TNRC18: variants seen among roughly 807,000 people sequenced by gnomAD.
The protein encoded by TNRC18 is trinucleotide repeat-containing gene 18 protein.
In TNRC18, 69 loss-of-function variants were observed where a neutral mutation model predicts 226.7. That is an observed-to-expected ratio of 0.30 (90% CI 0.25 to 0.37). TNRC18 has a LOEUF of 0.37. TNRC18 is among the 10% of genes least tolerant of loss of function. The pLI, the probability that TNRC18 is intolerant of heterozygous loss-of-function variation, is 1.00. For missense variants in TNRC18, 4,754 were observed against 4,256.6 expected (o/e 1.12, Z -3.25); for synonymous variants, 2,449 against 1,927.6 (o/e 1.27, Z -7.09).
intron 14 of TNRC18, among the ~76,000 whole-genome samples, chr7:5,360,568 G>A (rs1792931461): frequency 1.3e-5 from 2 of 152,202 alleles, no homozygotes; most frequent in Non-Finnish European, 2.9e-5. Context: ...AACAGGCTCG[G>A]AAAAGCTAAC....
chr7:5,370,360 G>A lies in TNRC18; in HGVS notation c.4219+15C>T, dbSNP rs1328203950. On this transcript the variant is annotated intron_variant, in intron 11 of 29. Transcript: ENST00000430969. ...ACTCACGAATCTGCAGAACTCAGAG[G>A]TCGCGCACTCTCACCTCCCATCTCT... is the stretch of plus-strand genomic sequence containing the variant. 6.5e-7 allele frequency: 1 copy of A among 1,535,042 alleles called. No individual in the cohort carries two copies. Among genetic ancestry groups the A allele is most frequent in the Non-Finnish European group, 8.8e-7 (1 of 1,140,908 alleles).
Position 5,370,928 on chromosome 7 carries a change from A to AT in TNRC18, c.3665_3666insA (p.Phe1222LeufsTer6). On this transcript the variant is annotated frameshift_variant, in exon 11 of 30. Coordinates refer to ENST00000430969, the MANE Select transcript of TNRC18 (RefSeq NM_001080495.3). LOFTEE classifies it high-confidence loss of function. ...CCACCCGTGGTTCAGGCCCCTCCACAAAGTCTGGACACTCAGAGGGCTCTG... is the reference window on the plus strand; with the variant it reads ...CCACCCGTGGTTCAGGCCCCTCCACATAAGTCTGGACACTCAGAGGGCTCTG... The AT allele has an allele frequency of 6.2e-7, 1 of 1,605,388 alleles. No individual in the cohort carries two copies. The highest frequency in any genetic ancestry group is 8.5e-7 in the Non-Finnish European group (1 of 1,179,706).
In TNRC18 at chr7:5,333,149, G is replaced by A. The variant is rs544473144; in HGVS notation, c.5720-100C>T. 3.1e-4 allele frequency: 402 copies of A among 1,314,186 alleles called. 3 individuals are homozygous for A. The East Asian group carries it at 9.1e-3, about 30-fold the overall frequency. The allele number at this position is 1,314,186 out of a possible 1,614,324, so 81.4% of individuals were successfully genotyped here. A position where few individuals can be genotyped will look rare whatever the true frequency, so the allele number is the denominator to read the frequency against. ...CATTCCTCCCCGGCGGGACCTCCCC[G>A]CCAATGGCAGCGCTTCTGCCCGTTT... On this transcript the variant is annotated intron_variant, in intron 18 of 29. Coordinates refer to ENST00000430969, the MANE Select transcript of TNRC18 (RefSeq NM_001080495.3).
chr7:5,324,269 G>C lies in TNRC18; in HGVS notation c.6387C>G (p.Phe2129Leu). ...CACGCGGCAGGTGCTCGTCCTCAGA[G>C]AAGCTCGAGTCTTGGTTGGGTTCAA... is the stretch of plus-strand genomic sequence containing the variant. ...EDFEPNQDSS[F>L]SEDEHLPRGG... Residue 2129 changes from phenylalanine to leucine, a missense_variant, in exon 21 of 30, where the codon TTC becomes TTG. Coordinates refer to ENST00000430969, the MANE Select transcript of TNRC18 (RefSeq NM_001080495.3). This position sits in a 1 kb window ranked among gnomAD's most constrained non-coding sequence, Gnocchi z 4.8. 6.2e-7 allele frequency: 1 copy of C among 1,613,100 alleles called. No individual in the cohort carries two copies.
In TNRC18 at chr7:5,376,962, C is replaced by T. The variant is rs1437018031; in HGVS notation, c.2493G>A (p.Met831Ile). ...CCAGGCCAGGTGGGAACGCAGGGGC[C>T]ATGCCCTGGTGCAGAGATGGGGGAC... ...GLGPPSLHQG[M>I]APAFPPGLGG... The change falls in exon 8 of 30, where the codon ATG (methionine) becomes ATA (isoleucine). Residue 831 changes from methionine (M) to isoleucine (I), a missense_variant. Physicochemically the swap from Met to Ile is conservative, Grantham distance 10. Coordinates refer to ENST00000430969, the MANE Select transcript of TNRC18 (RefSeq NM_001080495.3). 6.3e-6 allele frequency: 10 copies of T among 1,588,470 alleles called. No individual in the cohort carries two copies. In the Admixed American group the frequency reaches 1.8e-4, roughly 29 times the overall value.
At position 5,313,436 on chromosome 7, in the gene TNRC18, C is replaced by G; in HGVS notation, c.7455G>C (p.Glu2485Asp). Residue 2485 changes from glutamate (E) to aspartate (D), a missense_variant, in exon 27 of 30, where the codon GAG (glutamate) becomes GAC (aspartate). By Grantham distance (45) the Glu-to-Asp change is conservative (BLOSUM62 2). Coordinates refer to ENST00000430969, the MANE Select transcript of TNRC18 (RefSeq NM_001080495.3). ...KKAKEALLLR[E>D]DPGAGGWQEP... ...CCTGCCAGCCCCCCGCCCCCGGATC[C>G]TCCCGGAGCAGCAGGGCCTCTTTAG... is the stretch of plus-strand genomic sequence containing the variant. The G allele has an allele frequency of 6.2e-7, 1 of 1,610,710 alleles. No individual in the cohort carries two copies. The highest frequency in any genetic ancestry group is 1.1e-5 in the South Asian group (1 of 90,632).
In TNRC18 at chr7:5,370,680, C is replaced by A. The variant is rs761519560; in HGVS notation, c.3914G>T (p.Cys1305Phe). 1.9e-6 allele frequency: 3 copies of A among 1,612,220 alleles called. No individual in the cohort carries two copies. Among genetic ancestry groups the A allele is most frequent in the Admixed American group, 3.3e-5 (2 of 59,890 alleles). Residue 1305 changes from cysteine to phenylalanine, a missense_variant, in exon 11 of 30, where the codon TGC (cysteine) becomes TTC (phenylalanine). Coordinates refer to ENST00000430969, the MANE Select transcript of TNRC18 (RefSeq NM_001080495.3). Reference sequence around the variant, plus strand: ...GGCCTCTTGGGGCTCCAGGCTCGGGCACTGTCCCTCCCCGGCGGGCACGTC... The same window carrying A: ...GGCCTCTTGGGGCTCCAGGCTCGGGAACTGTCCCTCCCCGGCGGGCACGTC... ...DCDVPAGEGQ[C>F]PSLEPQEAVP...
At chr7:5,358,352 C>G (rs940701716) in intron 15 of TNRC18, among the ~76,000 whole-genome samples, 1 of 152,198 alleles carries the variant, frequency 6.6e-6, no homozygotes, top group Non-Finnish European at 1.5e-5. Context: ...TTTCTTTAAT[C>G]AGGTGACATT....
At chr7:5,395,235 G>A (rs565691579) in intron 2 of TNRC18, among the ~76,000 whole-genome samples, 15 of 152,336 alleles carry the variant, frequency 9.8e-5, no homozygotes, top group Admixed American at 3.3e-4. Flanking sequence ...TGGCACCACC[G>A]AGCCACAGTG....
chr7:5,332,247 G>A (rs1208420761), intron 19 of TNRC18, among the ~76,000 whole-genome samples: 1 of 152,104 alleles, frequency 6.6e-6, no homozygotes, highest in Non-Finnish European at 1.5e-5. Context: ...GATCAGCCTG[G>A]GCAACATAGC....
Position 5,394,227 on chromosome 7 carries a change from G to A in TNRC18, c.343+213C>T, listed in dbSNP as rs143829497. ...TGGAAGGTGGTCTGTGGCATGGGGT[G>A]TCAGGCTGAAAGGAGAGGAAACAGC... is the stretch of plus-strand genomic sequence containing the variant. On this transcript the variant is annotated intron_variant, in intron 3 of 29. Transcript: ENST00000430969. The surrounding 1 kb of genome is among the most constrained non-coding windows in gnomAD (Gnocchi z 4.5). 1.6e-4 allele frequency among the ~76,000 whole-genome samples: 25 copies of A among 152,150 alleles called. No homozygotes were observed. The highest frequency in any genetic ancestry group is 1.6e-3 in the Admixed American group (25 of 15,268).
At chr7:5,401,251 G>A (rs1038645812) in intron 2 of TNRC18, among the ~76,000 whole-genome samples, 1 of 151,586 alleles carries the variant, frequency 6.6e-6, no homozygotes, top group African/African-American at 2.4e-5. Flanking sequence ...GGGGCTGCAT[G>A]TGATCATGAT....
intron 18 of TNRC18, 45 bp downstream of exon 18, chr7:5,345,517 G>GGGGGGGGCCCCACCC: frequency 2.6e-6 from 1 of 377,744 alleles, no homozygotes; most frequent in African/African-American, 2.2e-5. Context: ...AATGGCGTCC[G>GGGGGGGGCCCCACCC]CCCCTCCCAC....
Position 5,309,860 on chromosome 7 carries a change from C to T in TNRC18, c.8389-492G>A, listed in dbSNP as rs1360975639. Among the ~76,000 whole-genome samples, 1 of 152,180 alleles carries T rather than the reference C, an allele frequency of 6.6e-6. No homozygotes were observed. Among genetic ancestry groups the T allele is most frequent in the Non-Finnish European group, 1.5e-5 (1 of 68,036 alleles). On this transcript the variant is annotated intron_variant, in intron 27 of 29. Coordinates refer to ENST00000430969, the MANE Select transcript of TNRC18 (RefSeq NM_001080495.3). The surrounding 1 kb of genome is among the most constrained non-coding windows in gnomAD (Gnocchi z 5.7). Reference sequence around the variant, plus strand: ...CAAACCACCCTCCCACCTTTGCCTCCCAAAGCACTAGGATCGCAGTGTCAG... The same window carrying T: ...CAAACCACCCTCCCACCTTTGCCTCTCAAAGCACTAGGATCGCAGTGTCAG...
intron 11 of TNRC18, among the ~76,000 whole-genome samples, chr7:5,369,595 G>A (rs1455791386): frequency 6.6e-6 from 1 of 152,132 alleles, no homozygotes; most frequent in African/African-American, 2.4e-5. Context: ...GAGGGAAGGA[G>A]ACGGGGACAC....
intron 10 of TNRC18, among the ~76,000 whole-genome samples, chr7:5,373,095 T>C (rs1243180351): frequency 6.6e-6 from 1 of 151,870 alleles, no homozygotes; most frequent in Non-Finnish European, 1.5e-5. Context: ...GAAGCGGAGG[T>C]TGCAGTGAGC....
Position 5,357,293 on chromosome 7 carries a change from G to A in TNRC18, c.4834-17C>T. On this transcript the variant is annotated splice_polypyrimidine_tract_variant and intron_variant, in intron 15 of 29. Transcript: ENST00000430969. The stretch of plus-strand genomic sequence containing the variant: ...AATCTTTAGCTGGAGAGGGAAGGTG[G>A]GTCATGGGTTAAAAGATCTGACAAA... The A allele has an allele frequency of 6.2e-7, 1 of 1,600,900 alleles. No individual in the cohort carries two copies. Among genetic ancestry groups the A allele is most frequent in the Middle Eastern group, 1.7e-4 (1 of 6,020 alleles).
chr7:5,325,659 T>C (rs930139849), intron 19 of TNRC18: 9 of 172,624 alleles, frequency 5.2e-5, no homozygotes, highest in Non-Finnish European at 8.5e-5. Flanking sequence ...CTCCTGACCT[T>C]GTGATCTGCC....
At chr7:5,380,165 G>A (rs1779297928) in intron 5 of TNRC18, among the ~76,000 whole-genome samples, 1 of 152,140 alleles carries the variant, frequency 6.6e-6, no homozygotes, top group Non-Finnish European at 1.5e-5. Flanking sequence ...AGCACCCCAG[G>A]CCCGACAGAA....
Sources: allele counts gnomAD v4.1 joint callset (sites outside exome capture counted in the v4.1 genomes callset), GRCh38; gene constraint gnomAD v4.1.1; non-coding constraint Gnocchi (gnomAD v3.1); transcripts MANE v1.5; gene names NCBI Gene and HGNC (gene_info 2026-07-23, HGNC 2026-07-21).